Variants in CCSER1 observed in about 807,000 individuals in gnomAD.
The protein encoded by CCSER1 is coiled-coil serine rich protein 1.
A neutral mutation model predicts 82.0 loss-of-function variants in CCSER1; 41 were observed. The ratio of observed to expected loss-of-function variants is 0.50; its 90% confidence interval spans 0.39 to 0.65. CCSER1 has a LOEUF of 0.65. Ranked by LOEUF, CCSER1 falls within the 30% of genes least tolerant of loss-of-function variation. The pLI is 0.00. For missense variants in CCSER1, 1,119 were observed against 1,064.2 expected (o/e 1.05, Z -0.72); for synonymous variants, 414 against 383.9 (o/e 1.08, Z -0.92).
At chr4:90,298,624 G>T (rs1186134448) in intron 1 of CCSER1, among the ~76,000 whole-genome samples, 1 of 151,802 alleles carries the variant, frequency 6.6e-6, no homozygotes, top group East Asian at 1.9e-4. Flanking sequence ...TCCTCTTGTG[G>T]GCATTTAGTG....
intron 4 of CCSER1, among the ~76,000 whole-genome samples, chr4:90,436,788 T>C (rs1759055011): frequency 6.6e-6 from 1 of 151,890 alleles, no homozygotes; most frequent in African/African-American, 2.4e-5. Flanking sequence ...TTAGCATTTG[T>C]AATCATGGAG....
At chr4:91,574,258 A>G (rs200542311) in intron 10 of CCSER1, among the ~76,000 whole-genome samples, 9,085 of 36,556 alleles carry the variant, frequency 0.25, 301 homozygotes, top group African/African-American at 0.33. Flanking sequence ...AGGTTCTGGA[A>G]AAAAAAAAAT....
At chr4:91,084,126 T>A (rs1723113723) in intron 9 of CCSER1, among the ~76,000 whole-genome samples, 1 of 151,946 alleles carries the variant, frequency 6.6e-6, no homozygotes, top group Non-Finnish European at 1.5e-5. Context: ...GGAGACAGGG[T>A]TTCCCTATTT....
chr4:90,551,125 A>G (rs1777425512), intron 5 of CCSER1, among the ~76,000 whole-genome samples: 1 of 152,156 alleles, frequency 6.6e-6, no homozygotes, highest in Admixed American at 6.5e-5. Context: ...TTTATGTCAT[A>G]AATTTATATA....
At chr4:91,398,505 G>A (rs985498428) in intron 10 of CCSER1, among the ~76,000 whole-genome samples, 1 of 151,720 alleles carries the variant, frequency 6.6e-6, no homozygotes, top group African/African-American at 2.4e-5. Flanking sequence ...TTATTTAAAA[G>A]ATAATAAAAA....
intron 10 of CCSER1, among the ~76,000 whole-genome samples, chr4:91,193,537 A>G (rs1184836619): frequency 6.6e-6 from 1 of 152,156 alleles, no homozygotes; most frequent in Non-Finnish European, 1.5e-5. Flanking sequence ...TATAATAATA[A>G]TGGGGGCATA....
At chr4:90,498,215 GACA>G (rs1217423641) in intron 5 of CCSER1, among the ~76,000 whole-genome samples, 1 of 152,072 alleles carries the variant, frequency 6.6e-6, no homozygotes, top group East Asian at 1.9e-4. Context: ...GTTGGAGATT[GACA>G]ACAATAATGA....
intron 4 of CCSER1, among the ~76,000 whole-genome samples, chr4:90,434,038 C>G (rs1758678898): frequency 6.6e-6 from 1 of 151,898 alleles, no homozygotes; most frequent in Non-Finnish European, 1.5e-5. Flanking sequence ...TTCGAAGTTA[C>G]AACTTTTTCC....
At position 91,555,286 on chromosome 4, in the gene CCSER1, T is replaced by C. The variant is rs1276742988; in HGVS notation, c.2218-43286T>C. On this transcript the variant is annotated intron_variant, in intron 10 of 10. Transcript: ENST00000509176. ...GTCACATTTTTCTATGTGCATTCAT[T>C]TCTGTTTATTACTGCAGTTCAAAAA... Among the ~76,000 whole-genome samples, 2 of 151,146 alleles carry C rather than the reference T, an allele frequency of 1.3e-5. 1 individual carries two copies. Among genetic ancestry groups the C allele is most frequent in the African/African-American group, 4.9e-5 (2 of 41,142 alleles).
chr4:90,568,616 C>T (rs1779704935), intron 5 of CCSER1, among the ~76,000 whole-genome samples: 2 of 152,190 alleles, frequency 1.3e-5, no homozygotes. Flanking sequence ...CATTCAGCCA[C>T]TCAGTCTTTT....
intron 6 of CCSER1, among the ~76,000 whole-genome samples, chr4:90,703,395 A>C (rs998322701): frequency 6.6e-6 from 1 of 152,182 alleles, no homozygotes; most frequent in Admixed American, 6.5e-5. Flanking sequence ...ACTTCCAACT[A>C]TGTGGTCAAT....
chr4:91,561,719 C>A (rs970511544), intron 10 of CCSER1, among the ~76,000 whole-genome samples: 2 of 151,274 alleles, frequency 1.3e-5, no homozygotes, highest in African/African-American at 4.8e-5. Context: ...TTCTAAAAAG[C>A]AGACAAATCA....
intron 3 of CCSER1, among the ~76,000 whole-genome samples, chr4:90,391,022 G>C (rs976431095): frequency 2.0e-5 from 3 of 150,800 alleles, no homozygotes; most frequent in East Asian, 3.9e-4. Context: ...CCAGCACTTT[G>C]AGAGGCTGAG....
intron 9 of CCSER1, among the ~76,000 whole-genome samples, chr4:90,981,044 ACT>A (rs898011525): frequency 2.0e-5 from 3 of 151,636 alleles, no homozygotes; most frequent in African/African-American, 7.3e-5. Context: ...AAGGGCATTA[ACT>A]CTCTCTAGGG....
intron 6 of CCSER1, among the ~76,000 whole-genome samples, chr4:90,692,911 G>A (rs1223024175): frequency 6.6e-6 from 1 of 151,748 alleles, no homozygotes; most frequent in African/African-American, 2.4e-5. Context: ...TATCCTTCAC[G>A]TTTTTCTCAT....
chr4:90,994,879 T>C (rs1440502346), intron 9 of CCSER1, among the ~76,000 whole-genome samples: 1 of 152,198 alleles, frequency 6.6e-6, no homozygotes, highest in African/African-American at 2.4e-5. Flanking sequence ...TATAGTTATC[T>C]TTTCATGTTG....
rs571119537 is a variant in CCSER1, at chr4:90,702,023, G to A, written c.1933-21891G>A. ...TTCCAACGCTACATTGAATAGGAGCGGTGAGAGAGGGCACACCTGCCTTGT... is the reference window on the plus strand; with the variant it reads ...TTCCAACGCTACATTGAATAGGAGCAGTGAGAGAGGGCACACCTGCCTTGT... On this transcript the variant is annotated intron_variant, in intron 6 of 10. Transcript: ENST00000509176. Among the ~76,000 whole-genome samples, 10 of 152,208 alleles carry A rather than the reference G, an allele frequency of 6.6e-5. No homozygotes were observed. In the South Asian group the frequency reaches 1.0e-3, roughly 16 times the overall value.
chr4:90,944,559 T>A (rs1732005312), intron 9 of CCSER1, among the ~76,000 whole-genome samples: 1 of 152,166 alleles, frequency 6.6e-6, no homozygotes, highest in South Asian at 2.1e-4. Flanking sequence ...TTAGGAGAAG[T>A]TTTTTGGAAT....
chr4:90,433,934 T>G (rs572626649), intron 4 of CCSER1, among the ~76,000 whole-genome samples: 2 of 152,062 alleles, frequency 1.3e-5, no homozygotes, highest in Admixed American at 1.3e-4. Flanking sequence ...GGCCAATAGC[T>G]GCATATGACA....
Sources: allele counts gnomAD v4.1 joint callset (sites outside exome capture counted in the v4.1 genomes callset), GRCh38; gene constraint gnomAD v4.1.1; transcripts MANE v1.5; gene names NCBI Gene and HGNC (gene_info 2026-07-23, HGNC 2026-07-21).